FMNL3: variants seen among roughly 807,000 people sequenced by gnomAD.
The protein encoded by FMNL3 is formin-like protein 3.
A neutral mutation model predicts 119.6 loss-of-function variants in FMNL3; 57 were observed. The ratio of observed to expected loss-of-function variants is 0.48; its 90% CI spans 0.39 to 0.59. FMNL3 has a LOEUF of 0.59. FMNL3 is among the 20% of genes least tolerant of loss of function. FMNL3 has a pLI of 0.00. For missense variants in FMNL3, 1,053 were observed against 1,323.5 expected (o/e 0.80, Z 3.17); for synonymous variants, 491 against 507.3 (o/e 0.97, Z 0.43).
Position 49,657,114 on chromosome 12 carries a change from T to C in FMNL3, c.682A>G (p.Ile228Val), listed in dbSNP as rs149109879. The change falls in exon 7 of 26, where the codon ATC (isoleucine) becomes GTC (valine). Residue 228 changes from isoleucine to valine, a missense_variant. Ile to Val is a conservative substitution (Grantham distance 29). Around this residue, in one of 4 missense-constraint regions of FMNL3, gnomAD observed 445 missense variants for 628.4 expected, o/e 0.71. Coordinates refer to ENST00000335154, the MANE Select transcript of FMNL3 (RefSeq NM_175736.5). Reference protein sequence around the residue: ...VSQKDDVHVCILCLRAIMNYQ... With the variant: ...VSQKDDVHVCVLCLRAIMNYQ... ...TTCATGATGGCTCTGAGACAAAGGATACAGACGTGGACGTCATCCTTCTGG... is the reference window on the plus strand; with the variant it reads ...TTCATGATGGCTCTGAGACAAAGGACACAGACGTGGACGTCATCCTTCTGG... 241 of 1,614,152 alleles carry C rather than the reference T, an allele frequency of 1.5e-4. 1 individual carries two copies. In the East Asian group the frequency reaches 4.3e-3, roughly 29 times the overall value.
Position 49,641,770 on chromosome 12 carries a change from T to TAATTG in FMNL3, c.*4044_*4045insCAATT. On this transcript the variant is annotated 3_prime_UTR_variant, in exon 26 of 26. Transcript: ENST00000335154. The stretch of plus-strand genomic sequence containing the variant: ...GTGATGAGGACTTGGATAACTTGGT[T>TAATTG]TCTAATGCAGACCACAGTCCTGTGG... 1.5e-6 allele frequency: 1 copy of TAATTG among 670,114 alleles called. No individual in the cohort carries two copies. The highest frequency in any genetic ancestry group is 2.6e-6 in the Non-Finnish European group (1 of 389,488). The allele number at this position is 670,114 out of a possible 1,614,324, so 41.5% of individuals were successfully genotyped here.
chr12:49,652,348 C>T (rs1565869563), intron 13 of FMNL3, 136 bp from the exon 14 acceptor site: 7 of 1,424,008 alleles, frequency 4.9e-6, no homozygotes, highest in Non-Finnish European at 5.5e-6. Flanking sequence ...GTGGCAGAAA[C>T]CCAGGTGGGG....
Position 49,649,906 on chromosome 12 carries a change from G to C in FMNL3, c.2020C>G (p.Pro674Ala). The C allele has an allele frequency of 6.2e-7, 1 of 1,613,850 alleles. No homozygotes were observed. The highest frequency in any genetic ancestry group is 1.7e-4 in the Middle Eastern group (1 of 6,060). Residue 674 changes from proline (P) to alanine (A), a missense_variant, in exon 18 of 26, where the codon CCT becomes GCT. Physicochemically the swap from Pro to Ala is conservative, Grantham distance 27 (BLOSUM62 -1). This residue lies in a region of FMNL3 where 445 missense variants were observed against 628.4 expected (regional missense o/e 0.71). Coordinates refer to ENST00000335154, the MANE Select transcript of FMNL3 (RefSeq NM_175736.5). The surrounding 1 kb of genome is among the most constrained non-coding windows in gnomAD (Gnocchi z 5.6). ...ATCAGGCACTCCACGAAGTCCACAG[G>C]TAGTGTCTGCAAGTCAAACCTGTGG... ...AIHTFDLQTLPVDFVECLMRF... is the reference protein window; with the variant it reads ...AIHTFDLQTLAVDFVECLMRF...
chr12:49,663,055 T>G (rs1409789904), intron 4 of FMNL3, among the ~76,000 whole-genome samples: 1 of 152,184 alleles, frequency 6.6e-6, no homozygotes, highest in Non-Finnish European at 1.5e-5. Context: ...AGAGAGACTC[T>G]GGAGCTACAA....
At chr12:49,687,146 TG>T (rs1944486395) in intron 1 of FMNL3, among the ~76,000 whole-genome samples, 3 of 149,478 alleles carry the variant, frequency 2.0e-5, no homozygotes, top group Non-Finnish European at 4.4e-5. Flanking sequence ...CAGGCTGGAG[TG>T]CAGTGGCGCG....
At chr12:49,651,626 T>G (rs983917635) in intron 14 of FMNL3, among the ~76,000 whole-genome samples, 176 bp from the exon 15 acceptor site, 5 of 152,200 alleles carry the variant, frequency 3.3e-5, no homozygotes, top group Non-Finnish European at 7.3e-5. Context: ...GACAGGGCAG[T>G]TGTTGCTGGT....
chr12:49,700,493 T>C (rs368857878), intron 1 of FMNL3, among the ~76,000 whole-genome samples: 99 of 145,004 alleles, frequency 6.8e-4, no homozygotes, highest in African/African-American at 2.5e-3. Flanking sequence ...GGCAGGTGGG[T>C]CGCGTGAGGT....
At chr12:49,660,036 A>G (rs903724563) in intron 5 of FMNL3, 1 of 890,234 alleles carries the variant, frequency 1.1e-6, no homozygotes, top group Admixed American at 6.2e-5. Flanking sequence ...CCTCATGATC[A>G]GGAGGTGTTT....
chr12:49,656,353 G>T (rs760596947), intron 9 of FMNL3, 51 bp downstream of exon 9: 3 of 1,474,106 alleles, frequency 2.0e-6, no homozygotes, highest in Non-Finnish European at 2.8e-6. Context: ...CTAGCTCCCT[G>T]CCTTCTCCCC....
chr12:49,695,865 G>T (rs943412724), intron 1 of FMNL3, among the ~76,000 whole-genome samples: 1 of 151,568 alleles, frequency 6.6e-6, no homozygotes, highest in Non-Finnish European at 1.5e-5. Context: ...CATTGCTAGA[G>T]AAACAAACGT....
In FMNL3 at chr12:49,637,816, A is replaced by G. The variant is rs766639789; in HGVS notation, c.*7999T>C. 6.2e-7 allele frequency: 1 copy of G among 1,606,050 alleles called. No homozygotes were observed. The highest frequency in any genetic ancestry group is 1.3e-5 in the African/African-American group (1 of 74,856). ...TGATGAAAAGAAGATCATTAAGGAC[A>G]TCCTTAAGGTGAGGGAGGCTGGGGT... On this transcript the variant is annotated 3_prime_UTR_variant, in exon 26 of 26. Transcript: ENST00000335154.
In FMNL3 at chr12:49,641,936, C is replaced by T. The variant is rs752951274; in HGVS notation, c.*3879G>A. 24 of 1,613,576 alleles carry T rather than the reference C, an allele frequency of 1.5e-5. 1 individual carries two copies. The highest frequency in any genetic ancestry group is 1.4e-4 in the South Asian group (13 of 91,078). ...CGGGGCTTCTGCGTGGAGGTGAACA[C>T]GGCCTTTGAGGACTTCGCCCACGTC... is the stretch of plus-strand genomic sequence containing the variant. On this transcript the variant is annotated 3_prime_UTR_variant, in exon 26 of 26. Transcript: ENST00000335154.
rs751577308 is a variant in FMNL3, at chr12:49,649,518, C to A, written c.2256G>T (p.Ala752=). The change falls in exon 19 of 26, where the codon GCG becomes GCT. Residue 752 remains alanine, a synonymous_variant. Coordinates refer to ENST00000335154, the MANE Select transcript of FMNL3 (RefSeq NM_175736.5). This position sits in a 1 kb window ranked among gnomAD's most constrained non-coding sequence, Gnocchi z 5.6. ...MLTPQLNAII[A]ASASVKSSQK... ...GTGAAGACTTGACGGAAGCGGACGC[C>A]GCAATGATGGCATTGAGTTGCTGTA... 2 of 1,614,136 alleles carry A rather than the reference C, an allele frequency of 1.2e-6. No homozygotes were observed. Among genetic ancestry groups the A allele is most frequent in the South Asian group, 1.1e-5 (1 of 91,070 alleles).
chr12:49,652,293 G>C (rs1176517173), intron 13 of FMNL3, 81 bp from the exon 14 acceptor site: 15 of 1,504,996 alleles, frequency 1.0e-5, no homozygotes, highest in Admixed American at 2.1e-5. Context: ...TCCTACCCAG[G>C]GTTCTCTTAA....
chr12:49,666,725 A>C (rs1943901392), intron 2 of FMNL3, among the ~76,000 whole-genome samples: 1 of 152,056 alleles, frequency 6.6e-6, no homozygotes, highest in Non-Finnish European at 1.5e-5. Context: ...TGAGCCCCGG[A>C]GTTTGAGGCT....
intron 1 of FMNL3, among the ~76,000 whole-genome samples, chr12:49,703,469 G>C (rs1003840732): frequency 2.6e-5 from 4 of 152,140 alleles, no homozygotes; most frequent in Admixed American, 2.6e-4. Context: ...GGTAAGGAAG[G>C]ATGCCAAGAA....
At chr12:49,648,772 C>T (rs957328588) in intron 21 of FMNL3, among the ~76,000 whole-genome samples, 1 of 152,224 alleles carries the variant, frequency 6.6e-6, no homozygotes, top group Non-Finnish European at 1.5e-5. Context: ...GAGTAAAGAG[C>T]GACTGCTCCC....
At position 49,637,040 on chromosome 12, in the gene FMNL3, T is replaced by A; in HGVS notation, c.*8775A>T. 1 of 839,236 alleles carries A rather than the reference T, an allele frequency of 1.2e-6. No homozygotes were observed. The allele number at this position is 839,236 out of a possible 1,614,324, so 52.0% of individuals were successfully genotyped here. A position where few individuals can be genotyped will look rare whatever the true frequency, so the allele number is the denominator to read the frequency against. Reference sequence around the variant, plus strand: ...TCCTCAATTCTGGACTGTGCTCTTCTAGGGAGACTAGATGTATGCACCACC... The same window carrying A: ...TCCTCAATTCTGGACTGTGCTCTTCAAGGGAGACTAGATGTATGCACCACC... On this transcript the variant is annotated 3_prime_UTR_variant, in exon 26 of 26. Transcript: ENST00000335154.
At chr12:49,665,116 T>C (rs1943852484) in intron 4 of FMNL3, among the ~76,000 whole-genome samples, 1 of 152,094 alleles carries the variant, frequency 6.6e-6, no homozygotes, top group Non-Finnish European at 1.5e-5. Context: ...CCTTTGCATA[T>C]ACCTTTGCTG....
Sources: allele counts gnomAD v4.1 joint callset (sites outside exome capture counted in the v4.1 genomes callset), GRCh38; gene constraint gnomAD v4.1.1; regional missense constraint gnomAD v4.1.1; non-coding constraint Gnocchi (gnomAD v3.1); transcripts MANE v1.5; gene names NCBI Gene and HGNC (gene_info 2026-07-23, HGNC 2026-07-21).